The following MUC4 variants were observed in gnomAD, a reference collection of about 807,000 sequenced individuals.
The protein encoded by MUC4 is mucin-4.
A neutral mutation model predicts 257.9 loss-of-function variants in MUC4; 202 were observed. The ratio of observed to expected loss-of-function variants is 0.78; its 90% CI spans 0.70 to 0.88. The LOEUF (loss-of-function observed/expected upper bound fraction) is 0.88. Ranked by LOEUF, MUC4 falls within the 40% of genes least tolerant of loss-of-function variation. MUC4 has a pLI of 0.00. For synonymous variants in MUC4, 2,351 were observed against 2,757.1 expected (o/e 0.85, Z 4.62); for missense variants, 5,976 against 6,513.7 (o/e 0.92, Z 2.84).
intron 20 of MUC4, 71 bp downstream of exon 20, chr3:195,752,980 C>T (rs528862069): frequency 3.1e-5 from 41 of 1,311,154 alleles, no homozygotes; most frequent in East Asian, 4.8e-5. Context: ...CAAAGGTGGG[C>T]GGAGTGCGGG....
In MUC4 at chr3:195,781,031, G is replaced by T; in HGVS notation, c.10549C>A (p.His3517Asn). 9 of 1,517,760 alleles carry T rather than the reference G, an allele frequency of 5.9e-6. No individual in the cohort carries two copies. Among genetic ancestry groups the T allele is most frequent in the Non-Finnish European group, 8.0e-6 (9 of 1,126,876 alleles). 94.0% of individuals were successfully genotyped at this position (1,517,760 alleles called of 1,614,324 possible). A position where few individuals can be genotyped will look rare whatever the true frequency, so the allele number is the denominator to read the frequency against. ...VTGASSASTG[H>N]ATPLPVTDTS... ...TCGGTGACAGGAAGAGGGGTGGCGT[G>T]ACCGGTGGATGCTGAGGAAGCGCCG... The change falls in exon 2 of 25, where the codon CAC becomes AAC. Residue 3517 changes from histidine (H) to asparagine (N), a missense_variant. This residue lies in a region of MUC4 where 297 missense variants were observed against 240.9 expected (regional missense o/e 1.23). Coordinates refer to ENST00000463781, the MANE Select transcript of MUC4 (RefSeq NM_018406.7).
chr3:195,776,461 CA>C (rs1320219333), intron 3 of MUC4, among the ~76,000 whole-genome samples: 1 of 31,076 alleles, frequency 3.2e-5, no homozygotes, highest in Admixed American at 2.0e-4. Flanking sequence ...CTTCCGCACC[CA>C]TACCTTCCAC....
rs200292435 is a variant in MUC4 at position 195,781,604 on chromosome 3, C to T, written c.9976G>A (p.Ala3326Thr). The T allele has an allele frequency of 0.029, 19,232 of 661,066 alleles. 2,985 individuals carry two copies. In the African/African-American group the frequency reaches 0.41, roughly 14 times the overall value. The allele number at this position is 661,066 out of a possible 1,614,324, so 41.0% of individuals were successfully genotyped here. The change falls in exon 2 of 25, where the codon GCC becomes ACC. Residue 3326 changes from alanine to threonine, a missense_variant. Physicochemically the swap from Ala to Thr is moderately conservative, Grantham distance 58 (BLOSUM62 0). This residue lies in a region of MUC4 where 72 missense variants were observed against 33.5 expected (regional missense o/e 2.15). Coordinates refer to ENST00000463781, the MANE Select transcript of MUC4 (RefSeq NM_018406.7). ...GGGCTGGTGACATGAAGAGGGGTGG[C>T]GTGACCTGTGGATGCTGAGGAAGCG... is the stretch of plus-strand genomic sequence containing the variant. ...TDASSASTGH[A>T]TPLHVTSPSS...
In MUC4 at chr3:195,785,005, G is replaced by T. The variant is rs1387036703; in HGVS notation, c.6575C>A (p.Pro2192His). The change falls in exon 2 of 25, where the codon CCT becomes CAT. Residue 2192 changes from proline to histidine, a missense_variant. Around this residue, in one of 44 missense-constraint regions of MUC4, gnomAD observed 85 missense variants for 325.0 expected, o/e 0.26. Transcript: ENST00000463781. ...TGAGGAAGTGTCGGTGACAGGAAGA[G>T]GGGTGGCGTGACCTGTGGATGCTGA... Reference protein sequence around the residue: ...TSSASTGHATPLPVTDTSSAS... With the variant: ...TSSASTGHATHLPVTDTSSAS... 4 of 1,516,202 alleles carry T rather than the reference G, an allele frequency of 2.6e-6. No homozygotes were observed. In the African/African-American group the frequency reaches 5.7e-5, roughly 21 times the overall value. The allele number at this position is 1,516,202 out of a possible 1,614,324, so 93.9% of individuals were successfully genotyped here. A position where few individuals can be genotyped will look rare whatever the true frequency, so the allele number is the denominator to read the frequency against.
intron 18 of MUC4, among the ~76,000 whole-genome samples, chr3:195,756,346 C>A (rs573084986): frequency 2.6e-5 from 4 of 152,210 alleles, no homozygotes; most frequent in Admixed American, 2.6e-4. Flanking sequence ...GACCCACAAC[C>A]ACCTTCCACC....
At position 195,780,062 on chromosome 3, in the gene MUC4, G is replaced by C. The variant is rs77359000; in HGVS notation, c.11518C>G (p.Pro3840Ala). 6.6e-6 allele frequency: 5 copies of C among 762,060 alleles called. No homozygotes were observed. Among genetic ancestry groups the C allele is most frequent in the African/African-American group, 8.7e-5 (2 of 22,942 alleles). 47.2% of individuals were successfully genotyped at this position (762,060 alleles called of 1,614,324 possible). The change falls in exon 2 of 25, where the codon CCT becomes GCT. Residue 3840 changes from proline to alanine, a missense_variant. Pro to Ala is a conservative substitution (Grantham distance 27, BLOSUM62 -1). Transcript: ENST00000463781. Reference protein sequence around the residue: ...ASSASTGHATPLPVTIPSSVS... With the variant: ...ASSASTGHATALPVTIPSSVS... ...GAGGAAGGGATGGTGACAGGAAGAG[G>C]GGTGGCGTGACCTGTGGATGCTGAG...
chr3:195,778,815 G>A lies in MUC4; in HGVS notation c.12765C>T (p.Asp4255=), dbSNP rs1160993541. 3.1e-6 allele frequency: 5 copies of A among 1,611,976 alleles called. No individual in the cohort carries two copies. Among genetic ancestry groups the A allele is most frequent in the Non-Finnish European group, 4.2e-6 (5 of 1,179,398 alleles). ...CTGGTGTTTCCATCTTCAGAGGGGA[G>A]TCCGAGGATACTGTGGAAGCTGAGG... ...SATSASTVSS[D]SPLKMETPGM... is the part of the protein sequence containing the mutation. The change falls in exon 2 of 25, where the codon GAC becomes GAT. Residue 4255 remains aspartate (D), a synonymous_variant. Coordinates refer to ENST00000463781, the MANE Select transcript of MUC4 (RefSeq NM_018406.7).
intron 7 of MUC4, among the ~76,000 whole-genome samples, chr3:195,767,492 TCACCATCACCAC>T (rs1720894768): frequency 4.7e-5 from 3 of 63,952 alleles, no homozygotes; most frequent in Non-Finnish European, 6.7e-5. Context: ...ACCACCACCA[TCACCATCACCAC>T]CACCATCACC....
chr3:195,760,001 A>G (rs1718453700), intron 16 of MUC4, among the ~76,000 whole-genome samples: 1 of 148,968 alleles, frequency 6.7e-6, no homozygotes, highest in African/African-American at 2.5e-5. Flanking sequence ...AGGGAGTGAA[A>G]CCTCTTCACG....
At chr3:195,770,045 T>C (rs1393550217) in intron 6 of MUC4, among the ~76,000 whole-genome samples, 171 bp downstream of exon 6, 1 of 136,666 alleles carries the variant, frequency 7.3e-6, no homozygotes, top group African/African-American at 2.8e-5. Flanking sequence ...GGGCCCACGG[T>C]GAGTGCTCAG....
intron 7 of MUC4, among the ~76,000 whole-genome samples, chr3:195,767,817 C>T (rs1277634788): frequency 1.0e-5 from 1 of 95,290 alleles, no homozygotes; most frequent in African/African-American, 5.6e-5. Context: ...ACCACCATCA[C>T]CACCACCACC....
rs113718339 is a variant in MUC4, at chr3:195,777,900, C to T, written c.12943+403G>A. Among the ~76,000 whole-genome samples, 457 of 120,070 alleles carry T rather than the reference C, an allele frequency of 3.8e-3. 50 individuals carry two copies. Among genetic ancestry groups the T allele is most frequent in the Middle Eastern group, 0.013 (3 of 230 alleles). 78.8% of individuals were successfully genotyped at this position (120,070 alleles called of 152,430 possible). On this transcript the variant is annotated intron_variant, in intron 3 of 24. Coordinates refer to ENST00000463781, the MANE Select transcript of MUC4 (RefSeq NM_018406.7). Reference sequence around the variant, plus strand: ...CCTTCCACACCCATACCTTCCACAGCCATACCTTCCACACCCATACCTTCC... The same window carrying T: ...CCTTCCACACCCATACCTTCCACAGTCATACCTTCCACACCCATACCTTCC...
Position 195,763,921 on chromosome 3 carries a change from G to A in MUC4, c.14044+124C>T, listed in dbSNP as rs369637971. On this transcript the variant is annotated intron_variant, in intron 11 of 24. Transcript: ENST00000463781. ...CACTGACCATCCACCCATCACTGGC[G>A]TCATCTCCATCTTCCCTTGTGGCCA... 4.3e-4 allele frequency: 601 copies of A among 1,387,676 alleles called. 3 individuals carry two copies. The South Asian group carries it at 7.1e-3, about 16-fold the overall frequency. The allele number at this position is 1,387,676 out of a possible 1,614,324, so 86.0% of individuals were successfully genotyped here.
In MUC4 at chr3:195,779,247, C is replaced by A. The variant is rs199960521; in HGVS notation, c.12333G>T (p.Thr4111=). Residue 4111 remains threonine (T), a synonymous_variant, in exon 2 of 25, where the codon ACG becomes ACT. Coordinates refer to ENST00000463781, the MANE Select transcript of MUC4 (RefSeq NM_018406.7). ...AGGAAGTGTCGGTGACAGGAAGAGGCGTGGTGTCACCTGTGGATACTGAGG... is the reference window on the plus strand; with the variant it reads ...AGGAAGTGTCGGTGACAGGAAGAGGAGTGGTGTCACCTGTGGATACTGAGG... ...SLSSVSTGDT[T]PLPVTDTSSA... 3.9e-5 allele frequency: 37 copies of A among 956,058 alleles called. 9 individuals are homozygous for A. Among genetic ancestry groups the A allele is most frequent in the Middle Eastern group, 8.3e-4 (2 of 2,424 alleles). 59.2% of individuals were successfully genotyped at this position (956,058 alleles called of 1,614,324 possible). A position where few individuals can be genotyped will look rare whatever the true frequency, so the allele number is the denominator to read the frequency against.
In MUC4 at chr3:195,788,783, A is replaced by G. The variant is rs770960384; in HGVS notation, c.2797T>C (p.Ser933Pro). ...SLASQATDTF[S>P]TVPPTPPSIT... ...GATGGAGGTGTGGGTGGGACTGTTG[A>G]GAAGGTGTCGGTTGCCTGGGACGCC... is the stretch of plus-strand genomic sequence containing the variant. Residue 933 changes from serine to proline, a missense_variant, in exon 2 of 25, where the codon TCA becomes CCA. This residue lies in a region of MUC4 where 1,583 missense variants were observed against 1,257.4 expected (regional missense o/e 1.26). Transcript: ENST00000463781. 1.4e-4 allele frequency: 218 copies of G among 1,613,748 alleles called. No homozygotes were observed. The highest frequency in any genetic ancestry group is 1.8e-4 in the Non-Finnish European group (208 of 1,179,844).
intron 17 of MUC4, among the ~76,000 whole-genome samples, chr3:195,758,192 G>A (rs1468929411): frequency 6.6e-6 from 1 of 152,200 alleles, no homozygotes; most frequent in East Asian, 1.9e-4. Context: ...TTGAATTAGT[G>A]CTGGCAACAG....
intron 1 of MUC4, among the ~76,000 whole-genome samples, chr3:195,800,557 T>A (rs971088155): frequency 3.3e-5 from 5 of 152,328 alleles, no homozygotes; most frequent in African/African-American, 1.2e-4. Flanking sequence ...CACCATCATT[T>A]AAACAATACC....
chr3:195,808,846 T>C (rs1736324185), intron 1 of MUC4, among the ~76,000 whole-genome samples: 1 of 152,110 alleles, frequency 6.6e-6, no homozygotes, highest in African/African-American at 2.4e-5. Flanking sequence ...AGTTTTGGTG[T>C]CCTCGGTGGC....
chr3:195,751,141 G>C lies in MUC4; in HGVS notation c.15648-29C>G, dbSNP rs2291651. On this transcript the variant is annotated intron_variant, in intron 22 of 24. Coordinates refer to ENST00000463781, the MANE Select transcript of MUC4 (RefSeq NM_018406.7). ...TGTGGGAGGGCAACGGTGAGGGGGG[G>C]TGGGGGGCTGGGGGTGGGGGATGAG... is the stretch of plus-strand genomic sequence containing the variant. The C allele has an allele frequency of 0.8, 1,187,213 of 1,474,866 alleles. 481,306 individuals are homozygous for C. The highest frequency in any genetic ancestry group is 0.97 in the African/African-American group (64,501 of 66,788). 91.4% of individuals were successfully genotyped at this position (1,474,866 alleles called of 1,614,324 possible).
Sources: allele counts gnomAD v4.1 joint callset (sites outside exome capture counted in the v4.1 genomes callset), GRCh38; gene constraint gnomAD v4.1.1; regional missense constraint gnomAD v4.1.1; transcripts MANE v1.5; gene names NCBI Gene and HGNC (gene_info 2026-07-23, HGNC 2026-07-21).